The following TEAD1 variants were observed in gnomAD, a reference collection of about 807,000 sequenced individuals.
The protein encoded by TEAD1 is TEA domain transcription factor 1.
A neutral mutation model predicts 54.9 loss-of-function variants in TEAD1; 9 were observed. The observed-to-expected ratio is 0.16, with a 90% CI of 0.10 to 0.29. TEAD1 has a LOEUF of 0.29. Among genes scored for constraint, TEAD1 ranks in the 10% least tolerant of loss-of-function variants. The pLI is 1.00. For synonymous variants in TEAD1, 200 were observed against 187.8 expected (o/e 1.07, Z -0.53); for missense variants, 387 against 535.9 (o/e 0.72, Z 2.74).
chr11:12,807,856 T>C (rs1005037337), intron 3 of TEAD1, among the ~76,000 whole-genome samples: 1 of 152,176 alleles, frequency 6.6e-6, no homozygotes, highest in East Asian at 1.9e-4. Flanking sequence ...TTGCACTGGG[T>C]GCTGTGGTTG....
chr11:12,888,213 A>G (rs1948129574), intron 9 of TEAD1, among the ~76,000 whole-genome samples: 2 of 152,206 alleles, frequency 1.3e-5, no homozygotes, highest in African/African-American at 4.8e-5. Context: ...AAGACAAGAT[A>G]AGACATGATT....
At chr11:12,808,891 A>T (rs1043906442) in intron 3 of TEAD1, among the ~76,000 whole-genome samples, 1 of 152,200 alleles carries the variant, frequency 6.6e-6, no homozygotes, top group Non-Finnish European at 1.5e-5. Context: ...GGTGGCTGTG[A>T]GAATGTGAGA....
chr11:12,925,832 C>T (rs993865656), intron 11 of TEAD1, among the ~76,000 whole-genome samples: 8 of 152,222 alleles, frequency 5.3e-5, no homozygotes, highest in Non-Finnish European at 8.8e-5. Flanking sequence ...CTGATTGGCA[C>T]CTGCCCTCTG....
chr11:12,926,535 G>A (rs1337284426), intron 11 of TEAD1, among the ~76,000 whole-genome samples: 2 of 152,078 alleles, frequency 1.3e-5, no homozygotes, highest in Non-Finnish European at 2.9e-5. Context: ...ATAGAGATAA[G>A]GAAATAAGGT....
At chr11:12,899,563 T>C (rs868845692) in intron 9 of TEAD1, among the ~76,000 whole-genome samples, 1 of 152,216 alleles carries the variant, frequency 6.6e-6, no homozygotes, top group East Asian at 1.9e-4. Context: ...CCTACCCTTA[T>C]AATCTCACCT....
In TEAD1 at chr11:12,883,083, G is replaced by A; in HGVS notation, c.657G>A (p.Val219=). 1.2e-6 allele frequency: 2 copies of A among 1,614,128 alleles called. No individual in the cohort carries two copies. Among genetic ancestry groups the A allele is most frequent in the Non-Finnish European group, 8.5e-7 (1 of 1,180,048 alleles). Reference sequence around the variant, plus strand: ...TTGGCACAACCAAGCTTCGCCTGGTGGAATTTTCAGCTTTTCTCGAGCAGC... The same window carrying A: ...TTGGCACAACCAAGCTTCGCCTGGTAGAATTTTCAGCTTTTCTCGAGCAGC... The change falls in exon 9 of 13, where the codon GTG becomes GTA. Residue 219 remains valine (V), a synonymous_variant. Coordinates refer to ENST00000527636, the MANE Select transcript of TEAD1 (RefSeq NM_021961.6).
At chr11:12,865,096 T>C in intron 5 of TEAD1, 196 bp downstream of exon 5, 3 of 669,440 alleles carry the variant, frequency 4.5e-6, no homozygotes, top group South Asian at 1.6e-5. Flanking sequence ...TGTGAGCGCG[T>C]GTGTGTGTTT....
chr11:12,687,482 A>G (rs541071617), intron 2 of TEAD1, among the ~76,000 whole-genome samples: 69 of 152,376 alleles, frequency 4.5e-4, no homozygotes, highest in Admixed American at 7.8e-4. Context: ...AACATCACAC[A>G]GCTGCACTTT....
At chr11:12,686,391 A>G (rs1221062476) in intron 2 of TEAD1, among the ~76,000 whole-genome samples, 58 of 152,180 alleles carry the variant, frequency 3.8e-4, no homozygotes, top group Admixed American at 3.7e-3. Flanking sequence ...TTTCCCTTCA[A>G]ACCTGTGCTA....
chr11:12,780,806 TCCTTATCAGAATC>T (rs1158238429), intron 3 of TEAD1, among the ~76,000 whole-genome samples: 5 of 152,176 alleles, frequency 3.3e-5, no homozygotes, highest in Non-Finnish European at 7.3e-5. Flanking sequence ...TTCAGTGAAA[TCCTTATCAGAATC>T]CCAGGATCCC....
chr11:12,692,715 C>T (rs1345056929), intron 2 of TEAD1, among the ~76,000 whole-genome samples: 2 of 152,130 alleles, frequency 1.3e-5, no homozygotes, highest in Non-Finnish European at 2.9e-5. Context: ...TCATTATGGT[C>T]CTGTGGCTCC....
intron 2 of TEAD1, among the ~76,000 whole-genome samples, chr11:12,685,169 C>T (rs1022437261): frequency 6.6e-6 from 1 of 152,130 alleles, no homozygotes; most frequent in Non-Finnish European, 1.5e-5. Context: ...GACATCTTTT[C>T]CTTTTGTCTC....
intron 10 of TEAD1, among the ~76,000 whole-genome samples, chr11:12,908,435 A>G (rs980458994): frequency 1.3e-5 from 2 of 152,132 alleles, no homozygotes; most frequent in Admixed American, 6.5e-5. Flanking sequence ...TGACCACCCT[A>G]GTATCTTTCC....
intron 3 of TEAD1, among the ~76,000 whole-genome samples, chr11:12,773,422 C>T (rs907844877): frequency 6.6e-6 from 1 of 152,190 alleles, no homozygotes; most frequent in Non-Finnish European, 1.5e-5. Context: ...GCATCCTCAC[C>T]AGCATTTGGT....
At position 12,942,600 on chromosome 11, in the gene TEAD1, T is replaced by C. The variant is rs1949172235; in HGVS notation, c.*5378T>C. Reference sequence around the variant, plus strand: ...AGCTTTCTCCTCCTCCTTGTGTTCGTGTTCAGTCTCTGTGGAGACTTTCTT... The same window carrying C: ...AGCTTTCTCCTCCTCCTTGTGTTCGCGTTCAGTCTCTGTGGAGACTTTCTT... On this transcript the variant is annotated 3_prime_UTR_variant, in exon 13 of 13. Coordinates refer to ENST00000527636, the MANE Select transcript of TEAD1 (RefSeq NM_021961.6). 6.6e-6 allele frequency: 1 copy of C among 152,240 alleles called. No homozygotes were observed. The highest frequency in any genetic ancestry group is 1.5e-5 in the Non-Finnish European group (1 of 68,060). 9.4% of individuals were successfully genotyped at this position (152,240 alleles called of 1,614,324 possible).
intron 3 of TEAD1, among the ~76,000 whole-genome samples, chr11:12,785,794 T>C (rs1013455124): frequency 6.6e-6 from 1 of 152,232 alleles, no homozygotes; most frequent in Non-Finnish European, 1.5e-5. Flanking sequence ...AATAACATCG[T>C]GAGCATATCT....
chr11:12,755,168 A>C (rs1471710418), intron 2 of TEAD1, among the ~76,000 whole-genome samples: 2 of 152,058 alleles, frequency 1.3e-5, no homozygotes, highest in African/African-American at 4.8e-5. Context: ...TTACCTATAG[A>C]CTTCCCTCTT....
chr11:12,739,197 T>A (rs951059620), intron 2 of TEAD1, among the ~76,000 whole-genome samples: 1 of 143,150 alleles, frequency 7.0e-6, no homozygotes, highest in African/African-American at 2.7e-5. Flanking sequence ...GGTCTCATTC[T>A]TTCTATCTAT....
intron 9 of TEAD1, among the ~76,000 whole-genome samples, chr11:12,892,098 ATTCT>A (rs899952832): frequency 1.3e-5 from 2 of 152,220 alleles, no homozygotes; most frequent in Admixed American, 1.3e-4. Flanking sequence ...AGATAACATG[ATTCT>A]TTCTCGTAAA....
Sources: allele counts gnomAD v4.1 joint callset (sites outside exome capture counted in the v4.1 genomes callset), GRCh38; gene constraint gnomAD v4.1.1; transcripts MANE v1.5; gene names NCBI Gene and HGNC (gene_info 2026-07-23, HGNC 2026-07-21).